TJP2: variants seen among roughly 807,000 people sequenced by gnomAD.
TJP2 encodes the protein Friedreich ataxia region gene X104 (tight junction protein ZO-2).
TJP2 carries 91 observed loss-of-function variants against 133.1 expected under a neutral mutation model. The ratio of observed to expected loss-of-function variants is 0.68; its 90% CI spans 0.58 to 0.81. The LOEUF is 0.81. Ranked by LOEUF, TJP2 falls within the 40% of genes least tolerant of loss-of-function variation. The pLI is 0.00. For missense variants in TJP2, 1,541 were observed against 1,565.6 expected, an observed-to-expected ratio of 0.98 and a Z score of 0.26; for synonymous variants, 592 against 583.4, an observed-to-expected ratio of 1.01 and a Z score of -0.21.
chr9:69,169,742 T>C (rs1288791083), upstream of TJP2, among the ~76,000 whole-genome samples: 2 of 152,148 alleles, frequency 1.3e-5, no homozygotes, highest in Non-Finnish European at 2.9e-5. Flanking sequence ...TATACATATA[T>C]ATATATACAC....
intron 1 of TJP2, among the ~76,000 whole-genome samples, chr9:69,186,380 G>A (rs951951221): frequency 5.9e-5 from 9 of 152,180 alleles, no homozygotes; most frequent in East Asian, 1.9e-4. Flanking sequence ...GCAAATATTC[G>A]AAATGGAAAG....
rs193208548 is a variant in TJP2, at chr9:69,191,893, C to T, written c.60+17461C>T. On this transcript the variant is annotated intron_variant, in intron 1 of 22. Coordinates refer to ENST00000377245, the MANE Select transcript of TJP2 (RefSeq NM_004817.4). ...CTGGGATTATAGGCACGTACCACCA[C>T]GCCTGGCTAATTTTTGTATATTTAG... 1.6e-4 allele frequency among the ~76,000 whole-genome samples: 23 copies of T among 145,818 alleles called. No homozygotes were observed. In the East Asian group the frequency reaches 2.7e-3, roughly 17 times the overall value.
chr9:69,219,624 G>A (rs1828655942), intron 4 of TJP2, among the ~76,000 whole-genome samples: 1 of 151,974 alleles, frequency 6.6e-6, no homozygotes, highest in Non-Finnish European at 1.5e-5. Flanking sequence ...GGATCTTGTT[G>A]TGTTTCCCAG....
intron 19 of TJP2, chr9:69,249,160 C>T: frequency 1.0e-6 from 1 of 985,338 alleles, no homozygotes; most frequent in Non-Finnish European, 1.2e-6. Flanking sequence ...AAAAATTGTG[C>T]TTTAAAGGAA....
At chr9:69,159,740 G>A (rs1823964385) in intron 2 of TJP2, among the ~76,000 whole-genome samples, 1 of 151,994 alleles carries the variant, frequency 6.6e-6, no homozygotes, top group African/African-American at 2.4e-5. Flanking sequence ...TAGCCAGGTG[G>A]TGGAACGCGC....
At position 69,138,313 on chromosome 9, in the gene TJP2, T is replaced by C. The variant is rs557457934; in HGVS notation, c.-130-13338T>C. The stretch of plus-strand genomic sequence containing the variant: ...CTAGATTGTTCTCACGTATCAGACA[T>C]TGGCTTATCTTGAGGGTGGAGGATT... On this transcript the variant is annotated intron_variant, in intron 1 of 5. Transcript: ENST00000423935. Among the ~76,000 whole-genome samples, 27 of 152,302 alleles carry C rather than the reference T, an allele frequency of 1.8e-4. No individual in the cohort carries two copies. The South Asian group carries it at 5.4e-3, about 30-fold the overall frequency.
chr9:69,174,312 G>C lies in TJP2; in HGVS notation c.-61G>C. ...CCGGTGGTGCCCAGGAGGAGTAGGA[G>C]CAGGAGCAGAAGCAGAAGCGGGGTC... On this transcript the variant is annotated 5_prime_UTR_variant, in exon 1 of 23. Transcript: ENST00000377245. 6.5e-7 allele frequency: 1 copy of C among 1,549,990 alleles called. No homozygotes were observed. Among genetic ancestry groups the C allele is most frequent in the East Asian group, 2.4e-5 (1 of 40,894 alleles).
chr9:69,225,955 G>A (rs1829311936), intron 6 of TJP2, 67 bp from the exon 7 acceptor site: 4 of 1,565,502 alleles, frequency 2.6e-6, no homozygotes, highest in Non-Finnish European at 3.5e-6. Flanking sequence ...TTTAGAAGGG[G>A]AAAATATGAA....
rs78748509 is a variant in TJP2, at chr9:69,126,941, T to C, written c.-131+5216T>C. On this transcript the variant is annotated intron_variant, in intron 1 of 5. Transcript: ENST00000423935. Reference sequence around the variant, plus strand: ...ACCATCACCACTGTCAATATTAAGATATTTTCAAGGCTAGATGTGGTAGCT... The same window carrying C: ...ACCATCACCACTGTCAATATTAAGACATTTTCAAGGCTAGATGTGGTAGCT... Among the ~76,000 whole-genome samples, 268 of 77,002 alleles carry C rather than the reference T, an allele frequency of 3.5e-3. 99 individuals carry two copies. The highest frequency in any genetic ancestry group is 0.01 in the African/African-American group (259 of 25,332). 50.5% of individuals were successfully genotyped at this position (77,002 alleles called of 152,430 possible).
chr9:69,212,466 G>A (rs901191662), intron 1 of TJP2, 82 bp from the exon 2 acceptor site: 65 of 1,056,108 alleles, frequency 6.2e-5, no homozygotes, highest in Middle Eastern at 6.0e-4. Flanking sequence ...ACTTTATGTC[G>A]AGGCATTTTG....
rs562198418 is a variant in TJP2, at chr9:69,176,392, G to A, written c.60+1960G>A. Among the ~76,000 whole-genome samples the A allele has an allele frequency of 1.5e-4, 23 of 152,334 alleles. No homozygotes were observed. In the East Asian group the frequency reaches 4.4e-3, roughly 29 times the overall value. On this transcript the variant is annotated intron_variant, in intron 1 of 22. Transcript: ENST00000377245. ...GTTGGGTCCTGGGTTGATAAGGGAGGTGAGATCTAAAGATACAAGTAGGAG... is the reference window on the plus strand; with the variant it reads ...GTTGGGTCCTGGGTTGATAAGGGAGATGAGATCTAAAGATACAAGTAGGAG...
chr9:69,207,526 G>T (rs971605895), intron 1 of TJP2, among the ~76,000 whole-genome samples: 12 of 152,174 alleles, frequency 7.9e-5, no homozygotes, highest in African/African-American at 2.9e-4. Context: ...CTATACATGT[G>T]TCCTTGTGCA....
At chr9:69,251,578 C>T (rs11137718) in intron 21 of TJP2, among the ~76,000 whole-genome samples, 6 of 152,100 alleles carry the variant, frequency 3.9e-5, no homozygotes, top group African/African-American at 1.4e-4. Context: ...GAAGAAGATT[C>T]TGCTCTTTAT....
At chr9:69,190,370 A>G (rs1261400772) in intron 1 of TJP2, among the ~76,000 whole-genome samples, 1 of 152,236 alleles carries the variant, frequency 6.6e-6, no homozygotes, top group Non-Finnish European at 1.5e-5. Context: ...ACCTTAGGTC[A>G]GCTTCCCCTG....
intron 1 of TJP2, among the ~76,000 whole-genome samples, chr9:69,139,518 G>A (rs573855832): frequency 1.3e-5 from 2 of 152,292 alleles, no homozygotes; most frequent in East Asian, 1.9e-4. Context: ...GTGGCCTGGA[G>A]CAGCTCCTTC....
intron 2 of TJP2, among the ~76,000 whole-genome samples, chr9:69,160,290 A>G (rs954726845): frequency 1.3e-5 from 2 of 152,362 alleles, no homozygotes; most frequent in Admixed American, 1.3e-4. Context: ...GAAACAAACA[A>G]AAACTTAGCT....
chr9:69,205,209 A>C (rs2133153849), intron 1 of TJP2: 1 of 1,537,262 alleles, frequency 6.5e-7, no homozygotes, highest in African/African-American at 1.4e-5. Flanking sequence ...AGGCTGTTAA[A>C]AAGTTGAGGA....
intron 1 of TJP2, among the ~76,000 whole-genome samples, chr9:69,184,113 A>G (rs567114349): frequency 3.9e-5 from 6 of 152,124 alleles, no homozygotes; most frequent in Admixed American, 3.3e-4. Flanking sequence ...ACTTTGAGCA[A>G]TTTACCTTTT....
At chr9:69,240,367 G>A (rs1830498531) in intron 17 of TJP2, among the ~76,000 whole-genome samples, 1 of 152,172 alleles carries the variant, frequency 6.6e-6, no homozygotes. Flanking sequence ...GATCCATGAT[G>A]TGGTAATAAT....
Sources: gnomAD v4.1 joint callset for allele counts (sites outside exome capture counted in the v4.1 genomes callset) on GRCh38, gnomAD v4.1.1 for gene constraint, MANE v1.5 for transcripts, NCBI Gene and HGNC (gene_info 2026-07-23, HGNC 2026-07-21) for gene names.